Variants in SMAGP observed in about 807,000 individuals in gnomAD.
SMAGP encodes small cell transmembrane and glycosylated protein.
SMAGP carries 7 observed loss-of-function variants against 10.1 expected under a neutral mutation model. The ratio of observed to expected loss-of-function variants is 0.70; its 90% CI spans 0.40 to 1.31. The LOEUF is 1.31. Among genes scored for constraint, SMAGP ranks in the 50% most tolerant of loss-of-function variants. The probability of loss-of-function intolerance (pLI) is 0.01; values close to 1 mark genes in which losing one functional copy is unlikely to be tolerated. For synonymous variants in SMAGP, 49 were observed against 47.2 expected (o/e 1.04, Z -0.16); for missense variants, 113 against 116.5 (o/e 0.97, Z 0.14).
At chr12:51,247,707 A>C (rs577243923) in intron 2 of SMAGP, among the ~76,000 whole-genome samples, 125 of 152,232 alleles carry the variant, frequency 8.2e-4, no homozygotes, top group African/African-American at 2.9e-3. Context: ...GGCAACACCC[A>C]CAGGAGGCAC....
intron 1 of SMAGP, chr12:51,269,897 C>G (rs1223317650): frequency 6.6e-6 from 1 of 151,998 alleles, no homozygotes; most frequent in Admixed American, 6.5e-5. Context: ...AGGGCGCGGT[C>G]CGCGCACAGC....
rs1592230693 is a variant in SMAGP at position 51,246,933 on chromosome 12, C to T, written c.35-102G>A. 3.0e-5 allele frequency: 23 copies of T among 764,938 alleles called. No individual in the cohort carries two copies. In the South Asian group the frequency reaches 4.5e-4, roughly 15 times the overall value. 47.4% of individuals were successfully genotyped at this position (764,938 alleles called of 1,614,324 possible). ...TCACCACCCCACCTTCTTCCCTATT[C>T]AAAAGTTTATCATTTAACTCCTAGA... On this transcript the variant is annotated intron_variant, in intron 2 of 3. Transcript: ENST00000603798.
At chr12:51,256,524 C>T (rs945987291) in intron 2 of SMAGP, among the ~76,000 whole-genome samples, 1 of 152,096 alleles carries the variant, frequency 6.6e-6, no homozygotes, top group African/African-American at 2.4e-5. Context: ...CAGTTCAAGA[C>T]CAGCCTGACC....
intron 2 of SMAGP, among the ~76,000 whole-genome samples, chr12:51,250,862 G>A (rs1944831341): frequency 6.6e-6 from 1 of 152,106 alleles, no homozygotes; most frequent in Non-Finnish European, 1.5e-5. Flanking sequence ...TAACTTCTGA[G>A]ATTAGGTTAT....
intron 2 of SMAGP, among the ~76,000 whole-genome samples, chr12:51,248,428 ACACACACTCT>A (rs1347909137): frequency 1.2e-4 from 13 of 104,526 alleles, no homozygotes; most frequent in East Asian, 8.6e-4. Flanking sequence ...ACACACACAC[ACACACACTCT>A]CTCTCTCTCT....
chr12:51,266,870 C>T (rs1288836125), intron 2 of SMAGP, among the ~76,000 whole-genome samples: 1 of 152,182 alleles, frequency 6.6e-6, no homozygotes, highest in African/African-American at 2.4e-5. Flanking sequence ...AATCCCAGCA[C>T]TTTGGGAGGC....
intron 2 of SMAGP, among the ~76,000 whole-genome samples, chr12:51,250,519 T>TTG (rs1944828272): frequency 6.6e-6 from 1 of 151,842 alleles, no homozygotes; most frequent in South Asian, 2.1e-4. Context: ...TTGTTTTTTT[T>TTG]TTGTTGTTGT....
At chr12:51,248,399 T>TACACACACACACACAC (rs71443213) in intron 2 of SMAGP, among the ~76,000 whole-genome samples, 1 of 132,308 alleles carries the variant, frequency 7.6e-6, no homozygotes, top group African/African-American at 3.0e-5. Context: ...TGTGGTGTTT[T>TACACACACACACACAC]ACACACACAC....
At chr12:51,266,932 ATG>A (rs1944979612) in intron 2 of SMAGP, among the ~76,000 whole-genome samples, 1 of 152,220 alleles carries the variant, frequency 6.6e-6, no homozygotes, top group Non-Finnish European at 1.5e-5. Flanking sequence ...CCTGGCCAAC[ATG>A]GCGAAACCCT....
intron 2 of SMAGP, among the ~76,000 whole-genome samples, chr12:51,268,295 GTGT>G: frequency 6.6e-6 from 1 of 152,036 alleles, no homozygotes; most frequent in East Asian, 1.9e-4. Flanking sequence ...ACTCTTCTAG[GTGT>G]TTTATATGGG....
chr12:51,262,833 A>C (rs1159959709), intron 2 of SMAGP, among the ~76,000 whole-genome samples: 2 of 152,108 alleles, frequency 1.3e-5, no homozygotes, highest in South Asian at 4.1e-4. Context: ...ATCTTTTGCC[A>C]CCTAAGTCTG....
In SMAGP at chr12:51,270,331, A is replaced by C; in HGVS notation, c.-114T>G. ...CCTTTTGAACTCAACGGGGGCGGGC[A>C]CCGCGGAGTCGCGGAGGCCAGCAGA... On this transcript the variant is annotated 5_prime_UTR_variant, in exon 1 of 4. Coordinates refer to ENST00000603798, the MANE Select transcript of SMAGP (RefSeq NM_001031628.2). 1 of 170,318 alleles carries C rather than the reference A, an allele frequency of 5.9e-6. No individual in the cohort carries two copies. The highest frequency in any genetic ancestry group is 1.2e-5 in the Non-Finnish European group (1 of 80,274). The allele number at this position is 170,318 out of a possible 1,614,324, so 10.6% of individuals were successfully genotyped here.
intron 2 of SMAGP, among the ~76,000 whole-genome samples, chr12:51,259,242 G>A (rs1944912291): frequency 1.3e-5 from 2 of 152,124 alleles, no homozygotes; most frequent in Admixed American, 1.3e-4. Flanking sequence ...TGCCCTTGGG[G>A]TAAATGCAGA....
chr12:51,248,104 G>A (rs543021764), intron 2 of SMAGP, among the ~76,000 whole-genome samples: 30 of 147,252 alleles, frequency 2.0e-4, no homozygotes, highest in African/African-American at 6.8e-4. Flanking sequence ...CATGACTCCC[G>A]TCCAGTGCCT....
chr12:51,247,080 A>G (rs942288883), intron 2 of SMAGP, among the ~76,000 whole-genome samples: 1 of 152,142 alleles, frequency 6.6e-6, no homozygotes, highest in African/African-American at 2.4e-5. Context: ...ATAGAGCCTG[A>G]CAGACTGGGT....
chr12:51,258,785 T>A (rs1296449768), intron 2 of SMAGP, among the ~76,000 whole-genome samples: 3 of 151,984 alleles, frequency 2.0e-5, no homozygotes, highest in Non-Finnish European at 2.9e-5. Flanking sequence ...TTATGTCAAA[T>A]CATGCAAGGG....
At chr12:51,248,422 ACACACACACACACT>A (rs1394477330) in intron 2 of SMAGP, among the ~76,000 whole-genome samples, 1 of 111,206 alleles carries the variant, frequency 9.0e-6, no homozygotes, top group Non-Finnish European at 1.8e-5. Flanking sequence ...ACACACACAC[ACACACACACACACT>A]CTCTCTCTCT....
intron 2 of SMAGP, among the ~76,000 whole-genome samples, chr12:51,267,789 C>A (rs1944989336): frequency 6.6e-6 from 1 of 152,118 alleles, no homozygotes; most frequent in Non-Finnish European, 1.5e-5. Context: ...CCATACCTGG[C>A]CATTTCTCTC....
intron 2 of SMAGP, among the ~76,000 whole-genome samples, chr12:51,260,018 T>C (rs1944917500): frequency 1.3e-5 from 2 of 152,118 alleles, no homozygotes; most frequent in Admixed American, 6.6e-5. Context: ...TTATGTTGTT[T>C]TATATGCTTT....
Sources: allele counts gnomAD v4.1 joint callset (sites outside exome capture counted in the v4.1 genomes callset), GRCh38; gene constraint gnomAD v4.1.1; transcripts MANE v1.5; gene names NCBI Gene and HGNC (gene_info 2026-07-23, HGNC 2026-07-21).